Variants in TLL2 observed in about 807,000 individuals in gnomAD.
TLL2 encodes the protein tolloid-like protein 2.
Under a neutral mutation model 123.0 loss-of-function variants are expected in TLL2, and 106 were observed. The ratio of observed to expected loss-of-function variants is 0.86; its 90% CI spans 0.74 to 1.01. The LOEUF (loss-of-function observed/expected upper bound fraction) is 1.01, where lower values mean the gene tolerates loss of function less well. Ranked by LOEUF, TLL2 falls within the 50% of genes least tolerant of loss-of-function variation. TLL2 has a pLI of 0.00. For missense variants in TLL2, 1,332 were observed against 1,336.7 expected, an observed-to-expected ratio of 1.00 and a Z score of 0.06; for synonymous variants, 494 against 516.8, an observed-to-expected ratio of 0.96 and a Z score of 0.60.
At chr10:96,489,274 C>A (rs1847388820) in intron 1 of TLL2, among the ~76,000 whole-genome samples, 1 of 152,204 alleles carries the variant, frequency 6.6e-6, no homozygotes, top group Non-Finnish European at 1.5e-5. Flanking sequence ...CACCTGTAAT[C>A]CCAGCACTTT....
At chr10:96,469,932 T>C (rs868622802) in intron 2 of TLL2, among the ~76,000 whole-genome samples, 48 of 151,894 alleles carry the variant, frequency 3.2e-4, no homozygotes, top group Admixed American at 1.1e-3. Flanking sequence ...GAGGGCACCA[T>C]GTGAAGATCA....
At chr10:96,386,699 A>C (rs2134058335) in intron 14 of TLL2, among the ~76,000 whole-genome samples, 1 of 152,310 alleles carries the variant, frequency 6.6e-6, no homozygotes, top group East Asian at 1.9e-4. Flanking sequence ...TGTCAATTTC[A>C]CACAATCATA....
At chr10:96,376,574 CT>C (rs1846139524) in intron 18 of TLL2, 117 bp downstream of exon 18, 1 of 1,114,490 alleles carries the variant, frequency 9.0e-7, no homozygotes, top group African/African-American at 1.6e-5. Context: ...AAACTGAGAC[CT>C]GGAAATGTTG....
chr10:96,421,779 G>A (rs1327860748), intron 6 of TLL2, among the ~76,000 whole-genome samples: 9 of 152,146 alleles, frequency 5.9e-5, no homozygotes, highest in African/African-American at 2.2e-4. Context: ...GGAGGTTGCA[G>A]TGAGCCAAGA....
At chr10:96,406,379 C>G (rs867037279) in intron 9 of TLL2, among the ~76,000 whole-genome samples, 3 of 152,126 alleles carry the variant, frequency 2.0e-5, no homozygotes, top group Non-Finnish European at 4.4e-5. Flanking sequence ...CACACCTGCT[C>G]CATCACGTCT....
At chr10:96,478,692 G>C (rs750132708) in intron 2 of TLL2, among the ~76,000 whole-genome samples, 1 of 152,202 alleles carries the variant, frequency 6.6e-6, no homozygotes, top group African/African-American at 2.4e-5. Context: ...TCAGTCACAG[G>C]CTGCACAAAA....
chr10:96,400,916 T>C (rs1234199129), intron 10 of TLL2, among the ~76,000 whole-genome samples: 1 of 152,204 alleles, frequency 6.6e-6, no homozygotes, highest in Non-Finnish European at 1.5e-5. Flanking sequence ...GACAAACCAA[T>C]TTGATATCTT....
chr10:96,439,850 G>A (rs1475266798), intron 3 of TLL2, among the ~76,000 whole-genome samples: 1 of 152,110 alleles, frequency 6.6e-6, no homozygotes, highest in East Asian at 1.9e-4. Context: ...TTTCTGTTTG[G>A]CCTGGACACT....
chr10:96,403,592 T>C (rs1846417379), intron 10 of TLL2, among the ~76,000 whole-genome samples: 1 of 152,170 alleles, frequency 6.6e-6, no homozygotes, highest in Non-Finnish European at 1.5e-5. Context: ...AGTGCACCTC[T>C]GCCCTTGAAA....
chr10:96,488,061 G>A (rs1214711379), intron 1 of TLL2, among the ~76,000 whole-genome samples: 1 of 152,202 alleles, frequency 6.6e-6, no homozygotes, highest in Non-Finnish European at 1.5e-5. Context: ...TCTTCCAAGT[G>A]TGAATAAAGA....
At chr10:96,417,706 G>A (rs1050500166) in intron 7 of TLL2, among the ~76,000 whole-genome samples, 10 of 152,148 alleles carry the variant, frequency 6.6e-5, no homozygotes, top group Admixed American at 5.2e-4. Flanking sequence ...AGGATGAGAC[G>A]CCACATGAAG....
In TLL2 at chr10:96,432,945, TG is replaced by T; in HGVS notation, c.381del (p.Thr128HisfsTer57). On this transcript the variant is annotated frameshift_variant, in exon 4 of 21. Coordinates refer to ENST00000357947, the MANE Select transcript of TLL2 (RefSeq NM_012465.4). LOFTEE classifies it high-confidence loss of function. Reference sequence around the variant, plus strand: ...AAGGTCCCAGGGCTGTGCAGGAGTGTGGTATTCTCCCGGCCATCTGCAACAC... The same window carrying T: ...AAGGTCCCAGGGCTGTGCAGGAGTGTGTATTCTCCCGGCCATCTGCAACAC... ...KEAGKDGREN[T>X]TLLHSPGTLH... 1 of 1,613,638 alleles carries T rather than the reference TG, an allele frequency of 6.2e-7. No homozygotes were observed. The highest frequency in any genetic ancestry group is 8.5e-7 in the Non-Finnish European group (1 of 1,179,764).
At chr10:96,382,325 G>A (rs576813560) in intron 16 of TLL2, among the ~76,000 whole-genome samples, 12 of 152,218 alleles carry the variant, frequency 7.9e-5, no homozygotes, top group Admixed American at 3.9e-4. Context: ...CACCATGCCC[G>A]GCCATGAATT....
chr10:96,369,443 T>G (rs1846058046), intron 20 of TLL2, among the ~76,000 whole-genome samples: 1 of 152,192 alleles, frequency 6.6e-6, no homozygotes, highest in East Asian at 1.9e-4. Context: ...TTAAATATTT[T>G]TAAAGCCTGA....
intron 1 of TLL2, among the ~76,000 whole-genome samples, chr10:96,497,258 G>A (rs1242188665): frequency 6.6e-6 from 1 of 152,106 alleles, no homozygotes; most frequent in Non-Finnish European, 1.5e-5. Context: ...CTCCAGTCTG[G>A]GCAACAGAAT....
At chr10:96,403,165 G>A (rs967721857) in intron 10 of TLL2, among the ~76,000 whole-genome samples, 8 of 152,192 alleles carry the variant, frequency 5.3e-5, no homozygotes, top group Non-Finnish European at 7.4e-5. Context: ...GCTCCACCAC[G>A]GCTGCCATTC....
intron 16 of TLL2, among the ~76,000 whole-genome samples, chr10:96,381,733 T>C (rs1413659154): frequency 6.6e-6 from 1 of 152,128 alleles, no homozygotes; most frequent in Non-Finnish European, 1.5e-5. Context: ...CTAGCTGGCA[T>C]GTAAGCTTGT....
At chr10:96,429,208 G>A (rs1319120762) in intron 4 of TLL2, among the ~76,000 whole-genome samples, 3 of 152,092 alleles carry the variant, frequency 2.0e-5, no homozygotes, top group Admixed American at 2.0e-4. Context: ...TTTGATAAAA[G>A]AACAGATTTT....
rs529996774 is a variant in TLL2 at position 96,373,384 on chromosome 10, G to A, written c.2662+212C>T. The A allele has an allele frequency of 8.7e-5, 42 of 482,978 alleles. No homozygotes were observed. In the Admixed American group the frequency reaches 1.4e-3, roughly 16 times the overall value. The allele number at this position is 482,978 out of a possible 1,614,324, so 29.9% of individuals were successfully genotyped here. On this transcript the variant is annotated intron_variant, in intron 19 of 20. Transcript: ENST00000357947. ...TCGAACTCCTGACCTCAGATGATCC[G>A]CCTGCCTCGGCCTCCCAAAGTGCTG...
Sources: allele counts gnomAD v4.1 joint callset (sites outside exome capture counted in the v4.1 genomes callset), GRCh38; gene constraint gnomAD v4.1.1; transcripts MANE v1.5; gene names NCBI Gene and HGNC (gene_info 2026-07-23, HGNC 2026-07-21).